Variants in ADGRB1 observed in about 807,000 individuals in gnomAD.
ADGRB1 encodes the protein brain-specific angiogenesis inhibitor 1.
In ADGRB1, 36 loss-of-function variants were observed where a neutral mutation model predicts 175.7. The observed-to-expected ratio is 0.20, with a 90% CI of 0.16 to 0.27. The LOEUF is 0.27. Among genes scored for constraint, ADGRB1 ranks in the 10% least tolerant of loss-of-function variants. The pLI is 1.00. For missense variants in ADGRB1, 1,731 were observed against 2,255.3 expected (o/e 0.77, Z 4.71); for synonymous variants, 1,054 against 979.4 (o/e 1.08, Z -1.42).
At chr8:142,495,124 C>T (rs1014223537) in intron 17 of ADGRB1, among the ~76,000 whole-genome samples, 2 of 152,006 alleles carry the variant, frequency 1.3e-5, no homozygotes, top group Admixed American at 6.6e-5. Context: ...AATGGATGTG[C>T]GAAGGGGTTC....
At chr8:142,530,410 G>T (rs953719263) in intron 24 of ADGRB1, among the ~76,000 whole-genome samples, 15 of 152,164 alleles carry the variant, frequency 9.9e-5, no homozygotes, top group Non-Finnish European at 1.6e-4. Flanking sequence ...TTTCCAGCCT[G>T]AGGGGTCATT....
rs1843559478 is a variant in ADGRB1, at chr8:142,518,180, G to T, written c.2860G>T (p.Gly954Cys). 1 of 1,613,820 alleles carries T rather than the reference G, an allele frequency of 6.2e-7. No homozygotes were observed. The highest frequency in any genetic ancestry group is 8.5e-7 in the Non-Finnish European group (1 of 1,179,812). ...TCTGCCGTCGGTGACGCTCATCGTG[G>T]GCTGTGGCGTGTCCTCTCTCACCCT... is the stretch of plus-strand genomic sequence containing the variant. Reference protein sequence around the residue: ...ATLPSVTLIVGCGVSSLTLLM... With the variant: ...ATLPSVTLIVCCGVSSLTLLM... Residue 954 changes from glycine (G) to cysteine (C), a missense_variant, in exon 19 of 31, where the codon GGC becomes TGC. Gly to Cys is a radical substitution (Grantham distance 159). This residue lies in a region of ADGRB1 where 301 missense variants were observed against 488.4 expected (regional missense o/e 0.62). Transcript: ENST00000517894.
chr8:142,451,325 G>C (rs1839337643), intron 1 of ADGRB1, among the ~76,000 whole-genome samples: 1 of 152,158 alleles, frequency 6.6e-6, no homozygotes. Flanking sequence ...AGGCCGCTGG[G>C]CACCTTACCC....
At chr8:142,497,328 C>T (rs1194321109) in intron 17 of ADGRB1, among the ~76,000 whole-genome samples, 1 of 152,178 alleles carries the variant, frequency 6.6e-6, no homozygotes, top group East Asian at 1.9e-4. Flanking sequence ...GAGCCTCTCC[C>T]TCACCCACCC....
rs1842078289 is a variant in ADGRB1, at chr8:142,493,518, T to G, written c.2675+2703T>G. 6.6e-6 allele frequency among the ~76,000 whole-genome samples: 1 copy of G among 152,208 alleles called. No individual in the cohort carries two copies. The highest frequency in any genetic ancestry group is 1.5e-5 in the Non-Finnish European group (1 of 68,034). On this transcript the variant is annotated intron_variant, in intron 17 of 30. Transcript: ENST00000517894. The surrounding 1 kb of genome is among the most constrained non-coding windows in gnomAD (Gnocchi z 5.0). Reference sequence around the variant, plus strand: ...GCTGGGTGCGCTGAGTGCTAAGGTCTTGGTGCCTGGGTCCAGGACTTCAGG... The same window carrying G: ...GCTGGGTGCGCTGAGTGCTAAGGTCGTGGTGCCTGGGTCCAGGACTTCAGG...
chr8:142,544,481 G>T lies in ADGRB1; in HGVS notation c.*64G>T. The T allele has an allele frequency of 7.1e-7, 1 of 1,408,450 alleles. No homozygotes were observed. 87.2% of individuals were successfully genotyped at this position (1,408,450 alleles called of 1,614,324 possible). A position where few individuals can be genotyped will look rare whatever the true frequency, so the allele number is the denominator to read the frequency against. On this transcript the variant is annotated 3_prime_UTR_variant, in exon 31 of 31. Transcript: ENST00000517894. ...GGATGCTGCTCCGCCCGCTCCTGCC[G>T]CAGACGGGCACAGACACGCTCGCGG...
chr8:142,462,477 C>T (rs1415799177), intron 1 of ADGRB1, among the ~76,000 whole-genome samples: 1 of 152,222 alleles, frequency 6.6e-6, no homozygotes, highest in Non-Finnish European at 1.5e-5. Context: ...GTCCAGCCTC[C>T]GGCCTCCTGG....
At chr8:142,476,455 T>G (rs1343202882) in intron 3 of ADGRB1, 130 bp from the exon 4 acceptor site, 1 of 782,732 alleles carries the variant, frequency 1.3e-6, no homozygotes, top group African/African-American at 1.7e-5. Flanking sequence ...CTGGGCACTC[T>G]GGTCCCTGGC....
At chr8:142,487,900 C>T (rs1199964680) in intron 13 of ADGRB1, among the ~76,000 whole-genome samples, 1 of 152,230 alleles carries the variant, frequency 6.6e-6, no homozygotes, top group Non-Finnish European at 1.5e-5. Context: ...GCCCCCATCC[C>T]CCTTCTACAG....
In ADGRB1 at chr8:142,492,379, G is replaced by A. The variant is rs1842023141; in HGVS notation, c.2675+1564G>A. On this transcript the variant is annotated intron_variant, in intron 17 of 30. Coordinates refer to ENST00000517894, the MANE Select transcript of ADGRB1 (RefSeq NM_001702.3). This position sits in a 1 kb window ranked among gnomAD's most constrained non-coding sequence, Gnocchi z 4.4. Reference sequence around the variant, plus strand: ...GGGATGGGGAACAGGGACAGACGGAGCAGTGTGGTGATGCCCGGCCGTGCA... The same window carrying A: ...GGGATGGGGAACAGGGACAGACGGAACAGTGTGGTGATGCCCGGCCGTGCA... 6.6e-6 allele frequency among the ~76,000 whole-genome samples: 1 copy of A among 152,172 alleles called. No homozygotes were observed. Among genetic ancestry groups the A allele is most frequent in the Non-Finnish European group, 1.5e-5 (1 of 68,040 alleles).
chr8:142,460,785 C>T (rs1234785776), intron 1 of ADGRB1, among the ~76,000 whole-genome samples: 1 of 152,212 alleles, frequency 6.6e-6, no homozygotes, highest in Non-Finnish European at 1.5e-5. Flanking sequence ...CCATGCCTGG[C>T]TGGTCCTGGG....
rs368215240 is a variant in ADGRB1, at chr8:142,515,965, G to T, written c.2818-2173G>T. 2.5e-4 allele frequency among the ~76,000 whole-genome samples: 38 copies of T among 152,356 alleles called. 2 individuals are homozygous for T. The highest frequency in any genetic ancestry group is 1.6e-3 in the Admixed American group (25 of 15,308). On this transcript the variant is annotated intron_variant, in intron 18 of 30. Transcript: ENST00000517894. ...AGCGCTACCTGGGGTAGTTCGAGGGGCCTGTGTGGAGGCAGTGGCTTTTGA... is the reference window on the plus strand; with the variant it reads ...AGCGCTACCTGGGGTAGTTCGAGGGTCCTGTGTGGAGGCAGTGGCTTTTGA...
chr8:142,490,532 AG>A (rs1298152256), intron 16 of ADGRB1, among the ~76,000 whole-genome samples: 1 of 152,214 alleles, frequency 6.6e-6, no homozygotes, highest in East Asian at 1.9e-4. Flanking sequence ...GGGCTCTGGG[AG>A]GGGCCAGGAG....
intron 13 of ADGRB1, among the ~76,000 whole-genome samples, chr8:142,487,355 T>A (rs1841722241): frequency 6.6e-6 from 1 of 152,122 alleles, no homozygotes; most frequent in Non-Finnish European, 1.5e-5. Flanking sequence ...TTTCTTCTTG[T>A]CCTCACCCCC....
chr8:142,466,979 C>G (rs1226052661), intron 2 of ADGRB1, among the ~76,000 whole-genome samples: 1 of 152,232 alleles, frequency 6.6e-6, no homozygotes, highest in South Asian at 2.1e-4. Context: ...AAGAGCTGGT[C>G]GTTAGCAGCA....
intron 18 of ADGRB1, among the ~76,000 whole-genome samples, chr8:142,517,420 C>T (rs138222981): frequency 3.3e-5 from 5 of 152,322 alleles, no homozygotes; most frequent in Non-Finnish European, 4.4e-5. Context: ...CCCTCCAGTG[C>T]GCTGATCACC....
At chr8:142,515,622 C>G (rs1843372109) in intron 18 of ADGRB1, among the ~76,000 whole-genome samples, 1 of 152,224 alleles carries the variant, frequency 6.6e-6, no homozygotes, top group Admixed American at 6.5e-5. Flanking sequence ...GAAACATTTA[C>G]TGGGGTCACC....
chr8:142,519,254 C>A (rs1324169014), intron 19 of ADGRB1, among the ~76,000 whole-genome samples: 3 of 152,228 alleles, frequency 2.0e-5, no homozygotes, highest in African/African-American at 7.2e-5. Flanking sequence ...GTTTTCAAAG[C>A]ATCTCCCTTG....
intron 1 of ADGRB1, among the ~76,000 whole-genome samples, chr8:142,463,347 C>T (rs1460984326): frequency 5.3e-5 from 8 of 152,218 alleles, no homozygotes; most frequent in African/African-American, 1.9e-4. Context: ...TCCCCTCACC[C>T]CAAAGATCCA....
Sources: gnomAD v4.1 joint callset for allele counts (sites outside exome capture counted in the v4.1 genomes callset) on GRCh38, gnomAD v4.1.1 for gene constraint, gnomAD v4.1.1 regional missense constraint, Gnocchi (gnomAD v3.1) non-coding constraint, MANE v1.5 for transcripts, NCBI Gene and HGNC (gene_info 2026-07-23, HGNC 2026-07-21) for gene names.